Variants in OSBPL6 observed in about 807,000 individuals in gnomAD.
The protein encoded by OSBPL6 is oxysterol-binding protein-related protein 6.
A neutral mutation model predicts 125.8 loss-of-function variants in OSBPL6; 49 were observed. The observed-to-expected ratio is 0.39, with a 90% CI of 0.31 to 0.49. OSBPL6 has a LOEUF of 0.49. Ranked by LOEUF, OSBPL6 falls within the 20% of genes least tolerant of loss-of-function variation. OSBPL6 has a pLI of 0.88. For missense variants in OSBPL6, 986 were observed against 1,135.4 expected, an observed-to-expected ratio of 0.87 and a Z score of 1.89; for synonymous variants, 394 against 391.8, an observed-to-expected ratio of 1.01 and a Z score of -0.07.
chr2:178,311,916 T>C (rs1012396201), intron 3 of OSBPL6, among the ~76,000 whole-genome samples: 1 of 152,228 alleles, frequency 6.6e-6, no homozygotes, highest in African/African-American at 2.4e-5. Context: ...GCACAGGTGT[T>C]AAACATATTG....
At position 178,398,889 on chromosome 2, in the gene OSBPL6, T is replaced by G. The variant is rs1319422038; in HGVS notation, c.*3330T>G. The G allele has an allele frequency of 2.0e-5, 3 of 152,158 alleles. No individual in the cohort carries two copies. The highest frequency in any genetic ancestry group is 4.4e-5 in the Non-Finnish European group (3 of 68,044). The allele number at this position is 152,158 out of a possible 1,614,324, so 9.4% of individuals were successfully genotyped here. On this transcript the variant is annotated 3_prime_UTR_variant, in exon 25 of 25. Coordinates refer to ENST00000190611, the MANE Select transcript of OSBPL6 (RefSeq NM_032523.4). ...ATTAAACTGTTTTGCTTAGTACTGG[T>G]TACAGCTGTAGCTGGAGAAGAGTTT...
At chr2:178,350,952 A>G (rs1444408725) in intron 12 of OSBPL6, among the ~76,000 whole-genome samples, 7 of 152,346 alleles carry the variant, frequency 4.6e-5, no homozygotes, top group Admixed American at 3.3e-4. Flanking sequence ...CTTCTGTTGA[A>G]TGATACATCA....
chr2:178,232,647 ACT>A (rs2090884529), intron 1 of OSBPL6, among the ~76,000 whole-genome samples: 1 of 151,798 alleles, frequency 6.6e-6, no homozygotes, highest in African/African-American at 2.4e-5. Flanking sequence ...CTAGCTCATT[ACT>A]CTTAGCATTT....
intron 11 of OSBPL6, among the ~76,000 whole-genome samples, chr2:178,348,609 G>A (rs1397666081): frequency 1.3e-5 from 2 of 152,134 alleles, no homozygotes; most frequent in African/African-American, 4.8e-5. Context: ...ATGTAATAGA[G>A]TTGTGTGTAA....
chr2:178,289,787 A>G (rs1685065173), intron 2 of OSBPL6, among the ~76,000 whole-genome samples: 1 of 152,158 alleles, frequency 6.6e-6, no homozygotes, highest in Non-Finnish European at 1.5e-5. Context: ...AGAACTTTCC[A>G]CATACTAGGT....
chr2:178,372,234 G>A lies in OSBPL6; in HGVS notation c.1395+1G>A. 1 of 1,591,688 alleles carries A rather than the reference G, an allele frequency of 6.3e-7. No homozygotes were observed. Among genetic ancestry groups the A allele is most frequent in the South Asian group, 1.1e-5 (1 of 87,732 alleles). On this transcript the variant is annotated splice_donor_variant, in intron 14 of 24. Coordinates refer to ENST00000190611, the MANE Select transcript of OSBPL6 (RefSeq NM_032523.4). LOFTEE classifies it high-confidence loss of function. ...AAATATTATTCCTAGCCCTGATGAG[G>A]TAAGACTCATTTTAAATAGATGCAG...
In OSBPL6 at chr2:178,275,249, C is replaced by T. The variant is rs545478417; in HGVS notation, c.-350-9678C>T. ...TAATGGTGCTGGGCACAGTGGCTTTCGCCTGTAATCCCAGCACTTTGGGAG... is the reference window on the plus strand; with the variant it reads ...TAATGGTGCTGGGCACAGTGGCTTTTGCCTGTAATCCCAGCACTTTGGGAG... On this transcript the variant is annotated intron_variant, in intron 1 of 24. Coordinates refer to ENST00000190611, the MANE Select transcript of OSBPL6 (RefSeq NM_032523.4). Among the ~76,000 whole-genome samples the T allele has an allele frequency of 5.9e-5, 9 of 152,284 alleles. No individual in the cohort carries two copies. The South Asian group carries it at 1.5e-3, about 25-fold the overall frequency.
intron 1 of OSBPL6, among the ~76,000 whole-genome samples, chr2:178,237,691 C>G (rs913990220): frequency 6.6e-6 from 1 of 152,206 alleles, no homozygotes; most frequent in Non-Finnish European, 1.5e-5. Flanking sequence ...TGTTCAGCAG[C>G]AACCCTGGCC....
At chr2:178,270,799 A>C (rs1014312582) in intron 1 of OSBPL6, among the ~76,000 whole-genome samples, 1 of 152,146 alleles carries the variant, frequency 6.6e-6, no homozygotes, top group Non-Finnish European at 1.5e-5. Context: ...TGTTAACCTA[A>C]TATTAGTTGA....
At chr2:178,210,850 C>G (rs980055102) in intron 1 of OSBPL6, among the ~76,000 whole-genome samples, 1 of 149,450 alleles carries the variant, frequency 6.7e-6, no homozygotes, top group African/African-American at 2.5e-5. Context: ...ACACACACAC[C>G]CCTCTCTGCT....
intron 11 of OSBPL6, chr2:178,344,337 C>T: frequency 6.2e-7 from 1 of 1,614,162 alleles, no homozygotes; most frequent in African/African-American, 1.3e-5. Context: ...CCGGCAGAGG[C>T]TAGCGGCAGC....
intron 1 of OSBPL6, among the ~76,000 whole-genome samples, chr2:178,220,105 AACT>A (rs1170601701): frequency 2.0e-5 from 3 of 152,208 alleles, no homozygotes; most frequent in Admixed American, 6.5e-5. Flanking sequence ...CAAATGTAAT[AACT>A]ACTATGTGCT....
intron 1 of OSBPL6, among the ~76,000 whole-genome samples, chr2:178,266,355 G>A (rs1201099945): frequency 6.6e-6 from 1 of 152,194 alleles, no homozygotes; most frequent in Non-Finnish European, 1.5e-5. Context: ...ATTGCACCCA[G>A]GATGATACCT....
intron 11 of OSBPL6, among the ~76,000 whole-genome samples, chr2:178,342,357 C>T (rs780463922): frequency 1.3e-5 from 2 of 151,410 alleles, no homozygotes; most frequent in Non-Finnish European, 2.9e-5. Flanking sequence ...TAGTAGTTGT[C>T]ATTTTGAAAA....
At chr2:178,237,053 T>C (rs1054816232) in intron 1 of OSBPL6, among the ~76,000 whole-genome samples, 3 of 152,180 alleles carry the variant, frequency 2.0e-5, no homozygotes, top group African/African-American at 7.2e-5. Context: ...AACCCTAATG[T>C]CATTCTTTTA....
At position 178,339,647 on chromosome 2, in the gene OSBPL6, G is replaced by C. The variant is rs771398361; in HGVS notation, c.895-25G>C. The C allele has an allele frequency of 3.9e-6, 6 of 1,551,886 alleles. No individual in the cohort carries two copies. The Admixed American group carries it at 9.7e-5, about 25-fold the overall frequency. On this transcript the variant is annotated intron_variant, in intron 10 of 24. Transcript: ENST00000190611. ...TGTGTGAACTTAATAATACTTTGTT[G>C]CTTTTAACTATTTGTGTAATGTAGG...
chr2:178,324,905 G>A lies in OSBPL6; in HGVS notation c.195+636G>A, dbSNP rs776094086. Among the ~76,000 whole-genome samples, 115 of 152,166 alleles carry A rather than the reference G, an allele frequency of 7.6e-4. 2 individuals carry two copies. Among genetic ancestry groups the A allele is most frequent in the Non-Finnish European group, 2.6e-4 (18 of 68,030 alleles). On this transcript the variant is annotated intron_variant, in intron 4 of 24. Coordinates refer to ENST00000190611, the MANE Select transcript of OSBPL6 (RefSeq NM_032523.4). Reference sequence around the variant, plus strand: ...TCTTCCCAAGCTGCAAGGTAAAATAGAACCTATGCGGAGGGACTGTTGTAT... The same window carrying A: ...TCTTCCCAAGCTGCAAGGTAAAATAAAACCTATGCGGAGGGACTGTTGTAT...
intron 16 of OSBPL6, 123 bp downstream of exon 16, chr2:178,382,630 C>CTGAT (rs1694589208): frequency 9.9e-6 from 15 of 1,513,776 alleles, no homozygotes; most frequent in Non-Finnish European, 1.3e-5. Context: ...CTTTTGGCAG[C>CTGAT]TGATTGTTCA....
intron 2 of OSBPL6, among the ~76,000 whole-genome samples, chr2:178,292,806 A>G (rs1423564410): frequency 6.6e-6 from 1 of 152,166 alleles, no homozygotes; most frequent in African/African-American, 2.4e-5. Flanking sequence ...TGCGTGAGAT[A>G]AGAGCTATGA....
Sources: gnomAD v4.1 joint callset for allele counts (sites outside exome capture counted in the v4.1 genomes callset) on GRCh38, gnomAD v4.1.1 for gene constraint, MANE v1.5 for transcripts, NCBI Gene and HGNC (gene_info 2026-07-23, HGNC 2026-07-21) for gene names.